Variants in NUFIP1 observed in about 807,000 individuals in gnomAD.
The protein encoded by NUFIP1 is FMR1-interacting protein NUFIP1.
In NUFIP1, 38 loss-of-function variants were observed where a neutral mutation model predicts 56.2. The observed-to-expected ratio is 0.68, with a 90% CI of 0.52 to 0.89. NUFIP1 has a LOEUF of 0.89. NUFIP1 is among the 40% of genes least tolerant of loss of function. NUFIP1 has a pLI of 0.00. For synonymous variants in NUFIP1, 215 were observed against 212.4 expected, an observed-to-expected ratio of 1.01 and a Z score of -0.10; for missense variants, 567 against 605.8, an observed-to-expected ratio of 0.94 and a Z score of 0.67.
At chr13:44,987,198 T>A (rs1872428523) in intron 1 of NUFIP1, among the ~76,000 whole-genome samples, 1 of 152,030 alleles carries the variant, frequency 6.6e-6, no homozygotes, top group Non-Finnish European at 1.5e-5. Flanking sequence ...GCCAACATGG[T>A]GAAACCTTGT....
intron 1 of NUFIP1, among the ~76,000 whole-genome samples, chr13:44,984,035 T>G (rs770441933): frequency 2.7e-4 from 41 of 152,094 alleles, no homozygotes; most frequent in Non-Finnish European, 2.9e-5. Flanking sequence ...TTCCATGAGA[T>G]TCTAATTTAT....
intron 5 of NUFIP1, among the ~76,000 whole-genome samples, chr13:44,974,327 C>G (rs1871898151): frequency 6.6e-6 from 1 of 151,976 alleles, no homozygotes; most frequent in East Asian, 1.9e-4. Context: ...GAGATATCGA[C>G]AAGAGCAGCC....
At chr13:44,980,952 A>C in intron 2 of NUFIP1, 132 bp from the exon 3 acceptor site, 1 of 570,596 alleles carries the variant, frequency 1.8e-6, no homozygotes, top group Admixed American at 3.7e-5. Flanking sequence ...GAAGCTTGTG[A>C]GTATATTTCC....
chr13:44,982,572 C>T lies in NUFIP1; in HGVS notation c.413-418G>A, dbSNP rs556904565. Among the ~76,000 whole-genome samples, 43 of 152,194 alleles carry T rather than the reference C, an allele frequency of 2.8e-4. No individual in the cohort carries two copies. The East Asian group carries it at 7.7e-3, about 27-fold the overall frequency. On this transcript the variant is annotated intron_variant, in intron 1 of 9. Coordinates refer to ENST00000379161, the MANE Select transcript of NUFIP1 (RefSeq NM_012345.3). The stretch of plus-strand genomic sequence containing the variant: ...GTACTTTTCCATTCTTATTACCATG[C>T]CCCAAGTCAGAAATTCTGATCTTCC...
At chr13:44,951,934 T>C (rs1593358808) in intron 7 of NUFIP1, among the ~76,000 whole-genome samples, 1 of 152,184 alleles carries the variant, frequency 6.6e-6, no homozygotes, top group Non-Finnish European at 1.5e-5. Context: ...CTGATCAGGG[T>C]TGTGGTCACT....
chr13:44,961,840 C>A lies in NUFIP1; in HGVS notation c.828-2266G>T, dbSNP rs867016619. 2.0e-5 allele frequency among the ~76,000 whole-genome samples: 3 copies of A among 152,320 alleles called. No homozygotes were observed. The South Asian group carries it at 6.2e-4, about 32-fold the overall frequency. ...CCACAGCTAGCTTCTGAATGATCAT[C>A]ATTAAGGTATTCACTAATAAGTAAT... On this transcript the variant is annotated intron_variant, in intron 6 of 9. Coordinates refer to ENST00000379161, the MANE Select transcript of NUFIP1 (RefSeq NM_012345.3).
At chr13:44,944,809 AGAGTTAAAGAACAAATCAT>A (rs2137890878) in intron 8 of NUFIP1, among the ~76,000 whole-genome samples, 1 of 152,228 alleles carries the variant, frequency 6.6e-6, no homozygotes, top group Non-Finnish European at 1.5e-5. Flanking sequence ...AAATAATCCA[AGAGTTAAAGAACAAATCAT>A]AAGAGAGATT....
chr13:44,955,421 G>A (rs559937136), intron 7 of NUFIP1, among the ~76,000 whole-genome samples: 1 of 152,340 alleles, frequency 6.6e-6, no homozygotes, highest in African/African-American at 2.4e-5. Flanking sequence ...TGATCTGAAA[G>A]TTATGAAGAT....
chr13:44,980,854 G>A (rs772949765), intron 2 of NUFIP1, 34 bp from the exon 3 acceptor site: 65 of 1,394,496 alleles, frequency 4.7e-5, no homozygotes, highest in South Asian at 4.6e-4. Context: ...TTAGGCTTTT[G>A]GTGAAAAATC....
In NUFIP1 at chr13:44,989,184, T is replaced by C. The variant is rs746715454; in HGVS notation, c.253A>G (p.Ile85Val). The C allele has an allele frequency of 6.2e-7, 1 of 1,611,876 alleles. No homozygotes were observed. The highest frequency in any genetic ancestry group is 1.1e-5 in the South Asian group (1 of 90,870). Reference sequence around the variant, plus strand: ...AAGGGGGGTTGCGCCCCGGGAAGAATCTGGGCGTCGAAGGGGGGCGGAGCC... The same window carrying C: ...AAGGGGGGTTGCGCCCCGGGAAGAACCTGGGCGTCGAAGGGGGGCGGAGCC... The part of the protein sequence containing the change: ...PGAPPPFDAQ[I>V]LPGAQPPFDA... Residue 85 changes from isoleucine (I) to valine (V), a missense_variant, in exon 1 of 10, where the codon ATT (isoleucine) becomes GTT (valine). Ile to Val is a conservative substitution (Grantham distance 29). Transcript: ENST00000379161.
Position 44,965,913 on chromosome 13 carries a change from A to G in NUFIP1, c.758T>C (p.Ile253Thr), listed in dbSNP as rs746579902. The G allele has an allele frequency of 2.5e-6, 4 of 1,597,232 alleles. No individual in the cohort carries two copies. The South Asian group carries it at 3.4e-5, about 14-fold the overall frequency. ...AAGTTTTAACTTCTTCTTCCTTTCA[A>G]TATTGGCCAGAGTTGGATAGTTTCT... ...RRKNYPTLAN[I>T]ERKKKLKLEK... Residue 253 changes from isoleucine to threonine, a missense_variant, in exon 6 of 10, where the codon ATT becomes ACT. Physicochemically the swap from Ile to Thr is moderately conservative, Grantham distance 89 (BLOSUM62 -1). Coordinates refer to ENST00000379161, the MANE Select transcript of NUFIP1 (RefSeq NM_012345.3).
chr13:44,946,505 C>A (rs543177695), intron 8 of NUFIP1, among the ~76,000 whole-genome samples: 1 of 152,256 alleles, frequency 6.6e-6, no homozygotes, highest in African/African-American at 2.4e-5. Context: ...AGATATTAAA[C>A]CAACCCATTT....
At chr13:44,942,521 A>G (rs915963023) in intron 9 of NUFIP1, among the ~76,000 whole-genome samples, 1 of 152,238 alleles carries the variant, frequency 6.6e-6, no homozygotes, top group Non-Finnish European at 1.5e-5. Flanking sequence ...TCAAGAGTGT[A>G]GCCACTGAAC....
At chr13:44,972,891 C>A (rs1871853720) in intron 5 of NUFIP1, among the ~76,000 whole-genome samples, 2 of 152,190 alleles carry the variant, frequency 1.3e-5, no homozygotes, top group South Asian at 2.1e-4. Context: ...CCACATATAG[C>A]AAAATCTTTG....
intron 7 of NUFIP1, among the ~76,000 whole-genome samples, chr13:44,958,540 T>G (rs1446056902): frequency 6.6e-6 from 1 of 152,226 alleles, no homozygotes; most frequent in African/African-American, 2.4e-5. Flanking sequence ...AGTTATCCTC[T>G]CTTTTCTTGC....
intron 9 of NUFIP1, among the ~76,000 whole-genome samples, chr13:44,942,475 A>AC (rs1870773295): frequency 6.6e-6 from 1 of 152,222 alleles, no homozygotes; most frequent in Admixed American, 6.5e-5. Flanking sequence ...TTTCAGATCC[A>AC]TTTTAATAGG....
intron 5 of NUFIP1, among the ~76,000 whole-genome samples, chr13:44,972,610 A>G (rs1204713225): frequency 6.6e-6 from 1 of 152,228 alleles, no homozygotes; most frequent in Non-Finnish European, 1.5e-5. Context: ...ACTATCCACT[A>G]AAAAGGGTGA....
In NUFIP1 at chr13:44,989,458, T is replaced by G. The variant is rs562874100; in HGVS notation, c.-22A>C. On this transcript the variant is annotated 5_prime_UTR_variant, in exon 1 of 10. Coordinates refer to ENST00000379161, the MANE Select transcript of NUFIP1 (RefSeq NM_012345.3). The stretch of plus-strand genomic sequence containing the variant: ...CCATACCACTGGCGGGTCCGGAGTC[T>G]AGCACGCGACTGTGGAGCAAGCATT... 4.0e-5 allele frequency: 65 copies of G among 1,610,426 alleles called. 1 individual carries two copies. The South Asian group carries it at 6.2e-4, about 15-fold the overall frequency.
At chr13:44,953,302 T>C (rs1004265122) in intron 7 of NUFIP1, among the ~76,000 whole-genome samples, 2 of 152,158 alleles carry the variant, frequency 1.3e-5, no homozygotes, top group Admixed American at 1.3e-4. Context: ...GGAGATATTT[T>C]GAGGCTATAA....
Sources: gnomAD v4.1 joint callset for allele counts (sites outside exome capture counted in the v4.1 genomes callset) on GRCh38, gnomAD v4.1.1 for gene constraint, MANE v1.5 for transcripts, NCBI Gene and HGNC (gene_info 2026-07-23, HGNC 2026-07-21) for gene names.